The following TANC1 variants were observed in gnomAD, a reference collection of about 807,000 sequenced individuals.
TANC1 encodes the protein tetratricopeptide repeat, ankyrin repeat and coiled-coil containing 1.
A neutral mutation model predicts 149.7 loss-of-function variants in TANC1; 77 were observed. The observed-to-expected ratio is 0.51, with a 90% CI of 0.43 to 0.62. The LOEUF is 0.62. Among genes scored for constraint, TANC1 ranks in the 20% least tolerant of loss-of-function variants. The pLI is 0.00. For synonymous variants in TANC1, 854 were observed against 925.0 expected (o/e 0.92, Z 1.39); for missense variants, 1,985 against 2,321.8 (o/e 0.85, Z 2.98).
At chr2:159,204,908 T>G (rs897278475) in intron 19 of TANC1, among the ~76,000 whole-genome samples, 1 of 152,250 alleles carries the variant, frequency 6.6e-6, no homozygotes, top group Admixed American at 6.5e-5. Flanking sequence ...GGCCTCCCTT[T>G]GTGTAGCGCA....
intron 22 of TANC1, among the ~76,000 whole-genome samples, chr2:159,221,697 T>C (rs1559486273): frequency 6.6e-6 from 1 of 152,220 alleles, no homozygotes; most frequent in African/African-American, 2.4e-5. Flanking sequence ...TAGTATTTCA[T>C]CATGTACATA....
intron 19 of TANC1, among the ~76,000 whole-genome samples, chr2:159,216,636 T>C (rs1259450164): frequency 6.6e-6 from 1 of 152,148 alleles, no homozygotes; most frequent in Non-Finnish European, 1.5e-5. Context: ...GTGTCGTGAG[T>C]ACCCCGCCTC....
At chr2:159,150,910 A>C (rs1221506599) in intron 7 of TANC1, 1 of 188,056 alleles carries the variant, frequency 5.3e-6, no homozygotes, top group Non-Finnish European at 1.1e-5. Context: ...AAATTCCTGC[A>C]TATTAAGACG....
At chr2:159,194,165 A>C in intron 16 of TANC1, 92 bp from the exon 17 acceptor site, 1 of 998,404 alleles carries the variant, frequency 1.0e-6, no homozygotes, top group Non-Finnish European at 1.6e-6. Context: ...CACTGGATTA[A>C]AATGATACCG....
At chr2:158,993,342 C>T (rs1163510930) in intron 1 of TANC1, among the ~76,000 whole-genome samples, 2 of 152,164 alleles carry the variant, frequency 1.3e-5, no homozygotes, top group Non-Finnish European at 1.5e-5. Context: ...ACTTGAGCCT[C>T]CTAGGCTCAA....
intron 2 of TANC1, among the ~76,000 whole-genome samples, chr2:159,046,635 T>C (rs1185714842): frequency 1.4e-5 from 2 of 147,204 alleles, no homozygotes; most frequent in Non-Finnish European, 3.0e-5. Flanking sequence ...GGTCTAGCTT[T>C]GTCACCCAGG....
At chr2:159,054,996 C>G (rs975123414) in intron 2 of TANC1, among the ~76,000 whole-genome samples, 25 of 152,282 alleles carry the variant, frequency 1.6e-4, no homozygotes, top group African/African-American at 5.8e-4. Context: ...AATGCCTCTA[C>G]CTGTATTCTG....
chr2:159,190,023 C>G (rs576655132), intron 16 of TANC1, among the ~76,000 whole-genome samples: 27 of 152,190 alleles, frequency 1.8e-4, no homozygotes, highest in Non-Finnish European at 3.1e-4. Flanking sequence ...AACCTCTGCC[C>G]TGAGCACATG....
At chr2:159,165,298 G>A (rs1026457016) in intron 8 of TANC1, among the ~76,000 whole-genome samples, 2 of 152,200 alleles carry the variant, frequency 1.3e-5, no homozygotes, top group Admixed American at 6.5e-5. Context: ...TCTGCTGTGC[G>A]CATTCATTAG....
At position 159,224,374 on chromosome 2, in the gene TANC1, C is replaced by A. The variant is rs1384604595; in HGVS notation, c.3811+10C>A. The A allele has an allele frequency of 6.2e-7, 1 of 1,613,914 alleles. No homozygotes were observed. The highest frequency in any genetic ancestry group is 1.3e-5 in the African/African-American group (1 of 74,938). On this transcript the variant is annotated intron_variant, in intron 23 of 26. Transcript: ENST00000263635. ...AAGGGAGCCAAGTTAGGTCAGTGAGCACTGCCTCCATTGAGCAGGAGGAGC... is the reference window on the plus strand; with the variant it reads ...AAGGGAGCCAAGTTAGGTCAGTGAGAACTGCCTCCATTGAGCAGGAGGAGC...
intron 13 of TANC1, 55 bp downstream of exon 13, chr2:159,176,573 T>C (rs2055877518): frequency 4.5e-6 from 6 of 1,319,880 alleles, no homozygotes; most frequent in Non-Finnish European, 6.3e-6. Flanking sequence ...TTTACAGTGA[T>C]AAATGTTAAT....
chr2:159,159,805 G>T (rs1389657717), intron 7 of TANC1, among the ~76,000 whole-genome samples: 1 of 150,066 alleles, frequency 6.7e-6, no homozygotes, highest in East Asian at 2.0e-4. Flanking sequence ...TGGGGTTGAT[G>T]GTTCTCAGCC....
Position 159,163,484 on chromosome 2 carries a change from G to A in TANC1, c.884G>A (p.Gly295Asp), listed in dbSNP as rs1199504077. 1 of 1,613,590 alleles carries A rather than the reference G, an allele frequency of 6.2e-7. No individual in the cohort carries two copies. Among genetic ancestry groups the A allele is most frequent in the Non-Finnish European group, 8.5e-7 (1 of 1,179,984 alleles). The change falls in exon 8 of 27, where the codon GGT (glycine) becomes GAT (aspartate). Residue 295 changes from glycine (G) to aspartate (D), a missense_variant. By Grantham distance (94) the Gly-to-Asp change is moderately conservative. Around this residue, in one of 3 missense-constraint regions of TANC1, gnomAD observed 557 missense variants for 612.9 expected, o/e 0.91. Transcript: ENST00000263635. ...LPKAESSAGD[G>D]PVPYSQGSSS... ...AAAGCAGAATCCTCAGCTGGAGATGGTCCAGTCCCTTATTCTCAGGGCTCC... is the reference window on the plus strand; with the variant it reads ...AAAGCAGAATCCTCAGCTGGAGATGATCCAGTCCCTTATTCTCAGGGCTCC...
At chr2:159,195,069 A>G (rs918018867) in intron 17 of TANC1, among the ~76,000 whole-genome samples, 1 of 152,198 alleles carries the variant, frequency 6.6e-6, no homozygotes, top group African/African-American at 2.4e-5. Flanking sequence ...TTGAGTAAGC[A>G]TTCAGTCATA....
At chr2:159,171,055 A>C (rs756916839) in intron 10 of TANC1, among the ~76,000 whole-genome samples, 16 of 100,556 alleles carry the variant, frequency 1.6e-4, no homozygotes, top group Non-Finnish European at 2.6e-4. Flanking sequence ...CTTTAGATAC[A>C]GGCAGAGATG....
intron 1 of TANC1, among the ~76,000 whole-genome samples, chr2:158,978,534 G>A (rs1040990863): frequency 3.9e-5 from 6 of 152,186 alleles, no homozygotes; most frequent in Non-Finnish European, 7.3e-5. Flanking sequence ...GTTCAAGGGA[G>A]AGTCCTTGTG....
At chr2:159,159,679 T>G (rs1179860370) in intron 7 of TANC1, among the ~76,000 whole-genome samples, 1 of 150,884 alleles carries the variant, frequency 6.6e-6, no homozygotes, top group Non-Finnish European at 1.5e-5. Context: ...CCACTAATTG[T>G]GCATACACAT....
At chr2:159,007,945 G>A (rs73001029) in intron 2 of TANC1, among the ~76,000 whole-genome samples, 3,608 of 152,156 alleles carry the variant, frequency 0.024, 136 homozygotes, top group African/African-American at 0.082. Flanking sequence ...AATATTTGCT[G>A]GTACATTAAT....
intron 1 of TANC1, among the ~76,000 whole-genome samples, chr2:158,976,337 A>C (rs2033667023): frequency 6.6e-6 from 1 of 152,178 alleles, no homozygotes; most frequent in African/African-American, 2.4e-5. Context: ...GGCCTTTTAC[A>C]ACCTGGTGGA....
Sources: gnomAD v4.1 joint callset for allele counts (sites outside exome capture counted in the v4.1 genomes callset) on GRCh38, gnomAD v4.1.1 for gene constraint, gnomAD v4.1.1 regional missense constraint, MANE v1.5 for transcripts, NCBI Gene and HGNC (gene_info 2026-07-23, HGNC 2026-07-21) for gene names.